Variants in LRIG1 observed in about 807,000 individuals in gnomAD.
LRIG1 encodes leucine-rich repeats and immunoglobulin-like domains protein 1.
LRIG1 carries 48 observed loss-of-function variants against 99.2 expected under a neutral mutation model. That is an observed-to-expected ratio of 0.48 (90% CI 0.38 to 0.62). The LOEUF is 0.62. Ranked by LOEUF, LRIG1 falls within the 20% of genes least tolerant of loss-of-function variation. The pLI, the probability that LRIG1 is intolerant of heterozygous loss-of-function variation, is 0.00. For synonymous variants in LRIG1, 772 were observed against 596.1 expected, an observed-to-expected ratio of 1.29 and a Z score of -4.30; for missense variants, 1,646 against 1,434.4, an observed-to-expected ratio of 1.15 and a Z score of -2.38.
intron 1 of LRIG1, among the ~76,000 whole-genome samples, chr3:66,465,350 G>C (rs1386425619): frequency 6.8e-6 from 1 of 146,308 alleles, no homozygotes; most frequent in Non-Finnish European, 1.5e-5. Flanking sequence ...GACAAACTCT[G>C]AGCATAATTT....
chr3:66,381,458 C>T (rs770411916), intron 17 of LRIG1, 21 bp downstream of exon 17: 1 of 1,599,958 alleles, frequency 6.3e-7, no homozygotes, highest in Admixed American at 1.7e-5. Flanking sequence ...GAAACTACTT[C>T]CAATGGGAAG....
intron 2 of LRIG1, among the ~76,000 whole-genome samples, chr3:66,454,976 CTG>C (rs1235187886): frequency 6.6e-6 from 1 of 152,210 alleles, no homozygotes; most frequent in African/African-American, 2.4e-5. Flanking sequence ...GAGTCTCGCT[CTG>C]TGGTGGCCCA....
At chr3:66,477,617 T>C (rs1284117253) in intron 1 of LRIG1, among the ~76,000 whole-genome samples, 3 of 152,232 alleles carry the variant, frequency 2.0e-5, no homozygotes, top group Admixed American at 6.5e-5. Flanking sequence ...TAAGTTTTTA[T>C]ACTTCAGTCA....
At position 66,397,224 on chromosome 3, in the gene LRIG1, A is replaced by G. The variant is rs1192726006; in HGVS notation, c.1304+888T>C. ...TGTCACCCGGCCCGCTTCAGTTCCC[A>G]GCTATGGGGAATGCACCTCATTTCC... is the stretch of plus-strand genomic sequence containing the variant. On this transcript the variant is annotated intron_variant, in intron 11 of 18. Transcript: ENST00000273261. Among the ~76,000 whole-genome samples, 4 of 152,206 alleles carry G rather than the reference A, an allele frequency of 2.6e-5. No homozygotes were observed. In the South Asian group the frequency reaches 6.2e-4, roughly 24 times the overall value.
At chr3:66,454,040 G>A (rs1703992275) in intron 2 of LRIG1, among the ~76,000 whole-genome samples, 1 of 152,178 alleles carries the variant, frequency 6.6e-6, no homozygotes, top group Non-Finnish European at 1.5e-5. Flanking sequence ...GGCCTTCTAT[G>A]TCTAGATGAG....
At chr3:66,401,614 C>G in intron 9 of LRIG1, 2 of 1,525,582 alleles carry the variant, frequency 1.3e-6, no homozygotes, top group Non-Finnish European at 1.8e-6. Flanking sequence ...CTTACCTTCC[C>G]CCAGCAGACA....
At chr3:66,416,310 C>G (rs1376458584) in intron 4 of LRIG1, among the ~76,000 whole-genome samples, 1 of 152,202 alleles carries the variant, frequency 6.6e-6, no homozygotes, top group African/African-American at 2.4e-5. Context: ...GCAGTATTTA[C>G]TTGGAAAATC....
Position 66,500,728 on chromosome 3 carries a change from T to C in LRIG1, c.-321A>G, listed in dbSNP as rs1701339651. 5.1e-6 allele frequency: 1 copy of C among 197,576 alleles called. No individual in the cohort carries two copies. The highest frequency in any genetic ancestry group is 1.0e-5 in the Non-Finnish European group (1 of 98,088). 12.2% of individuals were successfully genotyped at this position (197,576 alleles called of 1,614,324 possible). A position where few individuals can be genotyped will look rare whatever the true frequency, so the allele number is the denominator to read the frequency against. The stretch of plus-strand genomic sequence containing the variant: ...CTTCGTCCGCCCGGGGCACGCCGAG[T>C]GCCGCTACCGACACCGGCCGAGGGC... On this transcript the variant is annotated 5_prime_UTR_variant, in exon 1 of 19. Transcript: ENST00000273261.
At chr3:66,451,483 C>T (rs1703902424) in intron 3 of LRIG1, 76 bp downstream of exon 3, 11 of 1,252,148 alleles carry the variant, frequency 8.8e-6, no homozygotes, top group South Asian at 1.3e-5. Context: ...AGTTATCCTG[C>T]CACCAGGTAT....
rs771239736 is a variant in LRIG1, at chr3:66,386,042, T to C, written c.1728A>G (p.Gln576=). The C allele has an allele frequency of 9.9e-6, 16 of 1,614,006 alleles. No homozygotes were observed. The highest frequency in any genetic ancestry group is 2.7e-5 in the African/African-American group (2 of 74,908). Residue 576 remains glutamine, a synonymous_variant, in exon 13 of 19, where the codon CAA becomes CAG. Coordinates refer to ENST00000273261, the MANE Select transcript of LRIG1 (RefSeq NM_015541.3). ...QVTFGHEGRY[Q]CVITNHFGST... is the part of the protein sequence containing the mutation. ...AGCCAAAGTGGTTGGTGATGACACA[T>C]TGGTAGCGGCCCTCGTGCCCGAAAG...
At chr3:66,415,190 G>T in intron 4 of LRIG1, 127 bp from the exon 5 acceptor site, 1 of 913,598 alleles carries the variant, frequency 1.1e-6, no homozygotes, top group Non-Finnish European at 1.6e-6. Context: ...CAGGTTTCCA[G>T]TGAGATGTTT....
rs1028750400 is a variant in LRIG1, at chr3:66,404,233, A to C, written c.1160+965T>G. ...TCTACTATATAAAAAGACTCTCCCT[A>C]CCACAGGCTCTCCTCTATCATCGAG... On this transcript the variant is annotated intron_variant, in intron 9 of 18. Coordinates refer to ENST00000273261, the MANE Select transcript of LRIG1 (RefSeq NM_015541.3). The C allele has an allele frequency of 1.2e-5, 15 of 1,288,924 alleles. No homozygotes were observed. In the African/African-American group the frequency reaches 2.1e-4, roughly 18 times the overall value. 79.8% of individuals were successfully genotyped at this position (1,288,924 alleles called of 1,614,324 possible). A position where few individuals can be genotyped will look rare whatever the true frequency, so the allele number is the denominator to read the frequency against.
intron 11 of LRIG1, among the ~76,000 whole-genome samples, chr3:66,396,836 C>G (rs1280814020): frequency 3.9e-5 from 6 of 152,252 alleles, no homozygotes; most frequent in Admixed American, 3.9e-4. Flanking sequence ...CACCGCTTGT[C>G]TTCTACAACC....
intron 16 of LRIG1, 67 bp from the exon 17 acceptor site, chr3:66,381,698 G>GA (rs1701076917): frequency 3.9e-6 from 6 of 1,538,828 alleles, no homozygotes; most frequent in Non-Finnish European, 4.5e-6. Flanking sequence ...CTTATGAAAG[G>GA]AATGAGCAAG....
At chr3:66,480,951 T>TA (rs1358769253) in intron 1 of LRIG1, among the ~76,000 whole-genome samples, 2 of 152,180 alleles carry the variant, frequency 1.3e-5, no homozygotes, top group Non-Finnish European at 2.9e-5. Context: ...GATTTGAGAA[T>TA]AATAGCATGC....
At chr3:66,470,309 G>A (rs1012411756) in intron 1 of LRIG1, among the ~76,000 whole-genome samples, 4 of 152,152 alleles carry the variant, frequency 2.6e-5, no homozygotes, top group Admixed American at 1.3e-4. Flanking sequence ...AGGCCAGATG[G>A]CGTCCAGAGC....
intron 3 of LRIG1, among the ~76,000 whole-genome samples, chr3:66,423,004 A>G (rs1309504441): frequency 6.6e-6 from 1 of 152,192 alleles, no homozygotes; most frequent in East Asian, 1.9e-4. Context: ...AGAACAGCAC[A>G]GGAAGGACCC....
At chr3:66,438,429 T>G (rs995292885) in intron 3 of LRIG1, among the ~76,000 whole-genome samples, 3 of 152,132 alleles carry the variant, frequency 2.0e-5, no homozygotes, top group African/African-American at 7.2e-5. Context: ...TAACCCTGGT[T>G]GAGTATGGTT....
chr3:66,488,727 G>C (rs189675542), intron 1 of LRIG1, among the ~76,000 whole-genome samples: 185 of 152,330 alleles, frequency 1.2e-3, no homozygotes, highest in Non-Finnish European at 2.0e-3. Flanking sequence ...CCTGGTAAAA[G>C]GGATGGCAAG....
Sources: gnomAD v4.1 joint callset for allele counts (sites outside exome capture counted in the v4.1 genomes callset) on GRCh38, gnomAD v4.1.1 for gene constraint, MANE v1.5 for transcripts, NCBI Gene and HGNC (gene_info 2026-07-23, HGNC 2026-07-21) for gene names.